The following PLA2G4F variants were observed in gnomAD, a reference collection of about 807,000 sequenced individuals.
The protein encoded by PLA2G4F is cytosolic phospholipase A2 zeta.
A neutral mutation model predicts 103.1 loss-of-function variants in PLA2G4F; 105 were observed. The ratio of observed to expected loss-of-function variants is 1.02; its 90% CI spans 0.87 to 1.20. The LOEUF (loss-of-function observed/expected upper bound fraction) is 1.20, where lower values mean the gene tolerates loss of function less well. Among genes scored for constraint, PLA2G4F ranks in the 50% most tolerant of loss-of-function variants. PLA2G4F has a pLI of 0.00. For missense variants in PLA2G4F, 1,155 were observed against 1,075.9 expected, an observed-to-expected ratio of 1.07 and a Z score of -1.03; for synonymous variants, 468 against 441.1, an observed-to-expected ratio of 1.06 and a Z score of -0.76.
chr15:42,154,706 C>T (rs955709071), intron 2 of PLA2G4F, among the ~76,000 whole-genome samples: 5 of 152,138 alleles, frequency 3.3e-5, no homozygotes, highest in Non-Finnish European at 4.4e-5. Context: ...CAGCACAGAC[C>T]ATTAATTCCA....
intron 4 of PLA2G4F, 123 bp from the exon 5 acceptor site, chr15:42,153,783 A>G (rs2048984084): frequency 4.5e-6 from 5 of 1,107,092 alleles, no homozygotes; most frequent in Non-Finnish European, 5.2e-6. Flanking sequence ...GTGGCTTGTC[A>G]TGGACATAGG....
intron 11 of PLA2G4F, 54 bp from the exon 12 acceptor site, chr15:42,147,816 A>T (rs753491256): frequency 6.2e-7 from 1 of 1,603,200 alleles, no homozygotes; most frequent in South Asian, 1.1e-5. Context: ...TCATTGACGT[A>T]TTACTGCCTA....
At chr15:42,142,345 C>CTG in intron 19 of PLA2G4F, 141 bp from the exon 20 acceptor site, 1 of 1,150,138 alleles carries the variant, frequency 8.7e-7, no homozygotes, top group African/African-American at 1.6e-5. Context: ...GCTCTCAGAC[C>CTG]CCCCAGGAGG....
chr15:42,142,705 T>A lies in PLA2G4F; in HGVS notation c.2152A>T (p.Met718Leu). The change falls in exon 19 of 20, where the codon ATG (methionine) becomes TTG (leucine). Residue 718 changes from methionine to leucine, a missense_variant. By Grantham distance (15) the Met-to-Leu change is conservative. Coordinates refer to ENST00000397272, the MANE Select transcript of PLA2G4F (RefSeq NM_213600.4). ...SLEAPFEVLK[M>L]TEKYCLDRGI... The stretch of plus-strand genomic sequence containing the variant: ...CGGTCCAGGCAGTACTTCTCTGTCA[T>A]CTTCAAGACCTGAGCAGGAGCAAGC... 1 of 1,614,006 alleles carries A rather than the reference T, an allele frequency of 6.2e-7. No individual in the cohort carries two copies. The highest frequency in any genetic ancestry group is 8.5e-7 in the Non-Finnish European group (1 of 1,179,988).
intron 3 of PLA2G4F, 44 bp from the exon 4 acceptor site, chr15:42,154,264 G>A: frequency 6.2e-7 from 1 of 1,613,408 alleles, no homozygotes; most frequent in Non-Finnish European, 8.5e-7. Context: ...AGGTAGGACA[G>A]GAGGGTAGCT....
chr15:42,153,164 G>A, intron 6 of PLA2G4F, 136 bp downstream of exon 6: 1 of 1,036,946 alleles, frequency 9.6e-7, no homozygotes, highest in South Asian at 1.6e-5. Context: ...TCCCTCTGGA[G>A]GTGCCTCCCT....
At position 42,156,571 on chromosome 15, in the gene PLA2G4F, G is replaced by A; in HGVS notation, c.-22C>T. ...GCATGGCTGGGCAGCCCGGGCCCCA[G>A]CAGGGAACCCTGCCTGCGCTCCTCT... On this transcript the variant is annotated 5_prime_UTR_variant, in exon 1 of 20. Coordinates refer to ENST00000397272, the MANE Select transcript of PLA2G4F (RefSeq NM_213600.4). 2.6e-6 allele frequency: 4 copies of A among 1,515,594 alleles called. No homozygotes were observed. Among genetic ancestry groups the A allele is most frequent in the Non-Finnish European group, 3.6e-6 (4 of 1,123,452 alleles). 93.9% of individuals were successfully genotyped at this position (1,515,594 alleles called of 1,614,324 possible).
Position 42,147,287 on chromosome 15 carries a change from A to C in PLA2G4F, c.1256T>G (p.Ile419Ser), listed in dbSNP as rs190200772. Residue 419 changes from isoleucine (I) to serine (S), a missense_variant, in exon 13 of 20, where the codon ATT becomes AGT. By Grantham distance (142) the Ile-to-Ser change is moderately radical. This residue lies in a region of PLA2G4F where 782 missense variants were observed against 692.9 expected (regional missense o/e 1.13). Coordinates refer to ENST00000397272, the MANE Select transcript of PLA2G4F (RefSeq NM_213600.4). ...GCAGACGTGAACCTGGGCACGCTCA[A>C]TGGGGCCCTGCAAGGCCACCTGGGA... ...AWSQVALQGP[I>S]ERAQVHVCSS... 5 of 1,611,116 alleles carry C rather than the reference A, an allele frequency of 3.1e-6. No homozygotes were observed. The highest frequency in any genetic ancestry group is 1.7e-5 in the Admixed American group (1 of 60,006).
chr15:42,147,687 A>C lies in PLA2G4F; in HGVS notation c.1135T>G (p.Leu379Val), dbSNP rs972622985. Reference sequence around the variant, plus strand: ...GTGTCTAGAAGGCCGAGCTCCTGCAACCCTGCCAGGCTGCCGTACAGAGAA... The same window carrying C: ...GTGTCTAGAAGGCCGAGCTCCTGCACCCCTGCCAGGCTGCCGTACAGAGAA... ...MSSLYGSLAGLQELGLLDTVT... is the reference protein window; with the variant it reads ...MSSLYGSLAGVQELGLLDTVT... Residue 379 changes from leucine to valine, a missense_variant, in exon 12 of 20, where the codon TTG becomes GTG. By Grantham distance (32) the Leu-to-Val change is conservative. Around this residue, in one of 3 missense-constraint regions of PLA2G4F, gnomAD observed 782 missense variants for 692.9 expected, o/e 1.13. Coordinates refer to ENST00000397272, the MANE Select transcript of PLA2G4F (RefSeq NM_213600.4). 30 of 1,613,716 alleles carry C rather than the reference A, an allele frequency of 1.9e-5. No individual in the cohort carries two copies. Among genetic ancestry groups the C allele is most frequent in the Non-Finnish European group, 2.4e-5 (28 of 1,179,966 alleles).
At position 42,139,378 on chromosome 15, in the gene PLA2G4F, C is replaced by CT. The variant is rs1202906471; in HGVS notation, c.*2605dup. 1 of 152,412 alleles carries CT rather than the reference C, an allele frequency of 6.6e-6. No individual in the cohort carries two copies. Among genetic ancestry groups the CT allele is most frequent in the Non-Finnish European group, 1.5e-5 (1 of 68,104 alleles). The allele number at this position is 152,412 out of a possible 1,614,324, so 9.4% of individuals were successfully genotyped here. On this transcript the variant is annotated 3_prime_UTR_variant, in exon 20 of 20. Transcript: ENST00000397272. ...GCCTTCCAACCTTTCAGAAGGCCTG[C>CT]TCCTTTCCCTATAGCTTCTCCCACC...
At chr15:42,143,209 C>T in intron 18 of PLA2G4F, among the ~76,000 whole-genome samples, 1 of 146,836 alleles carries the variant, frequency 6.8e-6, no homozygotes, top group African/African-American at 2.6e-5. Context: ...AAAAAAAGCT[C>T]CCCATCCAGT....
chr15:42,150,303 T>G, intron 9 of PLA2G4F, 70 bp downstream of exon 9: 2 of 1,540,702 alleles, frequency 1.3e-6, no homozygotes, highest in Admixed American at 3.7e-5. Flanking sequence ...CTTGGGTCCC[T>G]CCTCCAGACC....
rs540737563 is a variant in PLA2G4F, at chr15:42,142,047, G to C, written c.2487C>G (p.Thr829=). The C allele has an allele frequency of 6.2e-7, 1 of 1,614,188 alleles. No individual in the cohort carries two copies. The highest frequency in any genetic ancestry group is 8.5e-7 in the Non-Finnish European group (1 of 1,180,042). ...GAGCCAGCTGGAGGGCGCACTTCAAGGTCTCCACGTTGTTCAGGACGTTGT... is the reference window on the plus strand; with the variant it reads ...GAGCCAGCTGGAGGGCGCACTTCAACGTCTCCACGTTGTTCAGGACGTTGT... ...SRYNVLNNVE[T]LKCALQLALD... Residue 829 remains threonine (T), a synonymous_variant, in exon 20 of 20, where the codon ACC becomes ACG. Transcript: ENST00000397272.
intron 11 of PLA2G4F, chr15:42,149,045 C>G: frequency 2.0e-6 from 2 of 985,380 alleles, no homozygotes; most frequent in Non-Finnish European, 2.4e-6. Flanking sequence ...GTAAGTCCCT[C>G]TCTCAGCACG....
intron 4 of PLA2G4F, 95 bp from the exon 5 acceptor site, chr15:42,153,755 G>T: frequency 7.3e-7 from 1 of 1,377,454 alleles, no homozygotes; most frequent in Non-Finnish European, 1.0e-6. Flanking sequence ...CCAGGGGCTA[G>T]AAGGGGAGAC....
chr15:42,143,322 C>T (rs935094889), intron 18 of PLA2G4F, among the ~76,000 whole-genome samples: 9 of 152,124 alleles, frequency 5.9e-5, no homozygotes, highest in African/African-American at 1.9e-4. Flanking sequence ...ATGGTCTTCC[C>T]TTCTCTCACC....
intron 18 of PLA2G4F, among the ~76,000 whole-genome samples, chr15:42,143,705 G>A (rs1026143316): frequency 3.9e-5 from 6 of 152,174 alleles, no homozygotes; most frequent in Non-Finnish European, 5.9e-5. Flanking sequence ...CTATGGATGA[G>A]GCTAGAAGAT....
chr15:42,144,290 C>T (rs2048856689), intron 17 of PLA2G4F, 146 bp from the exon 18 acceptor site: 2 of 1,390,840 alleles, frequency 1.4e-6, no homozygotes, highest in Non-Finnish European at 1.9e-6. Flanking sequence ...CTTGGCCCTG[C>T]CTTCCAGCTT....
intron 11 of PLA2G4F, chr15:42,149,498 G>A: frequency 1.0e-6 from 1 of 985,294 alleles, no homozygotes; most frequent in Non-Finnish European, 1.2e-6. Flanking sequence ...CTAGTCTGTG[G>A]GGTTTTGTTA....
Sources: gnomAD v4.1 joint callset for allele counts (sites outside exome capture counted in the v4.1 genomes callset) on GRCh38, gnomAD v4.1.1 for gene constraint, gnomAD v4.1.1 regional missense constraint, MANE v1.5 for transcripts, NCBI Gene and HGNC (gene_info 2026-07-23, HGNC 2026-07-21) for gene names.